Variants in ATP9B observed in about 807,000 individuals in gnomAD.
The protein encoded by ATP9B is probable phospholipid-transporting ATPase IIB.
Under a neutral mutation model 146.1 loss-of-function variants are expected in ATP9B, and 110 were observed. That is an observed-to-expected ratio of 0.75 (90% confidence interval 0.65 to 0.88). The LOEUF is 0.88. Ranked by LOEUF, ATP9B falls within the 40% of genes least tolerant of loss-of-function variation. The probability of loss-of-function intolerance (pLI) is 0.00; values close to 1 mark genes in which losing one functional copy is unlikely to be tolerated. For missense variants in ATP9B, 1,499 were observed against 1,496.4 expected, an observed-to-expected ratio of 1.00 and a Z score of -0.03; for synonymous variants, 604 against 569.7, an observed-to-expected ratio of 1.06 and a Z score of -0.86.
At chr18:79,099,803 A>G (rs1056700605) in intron 2 of ATP9B, among the ~76,000 whole-genome samples, 4 of 151,852 alleles carry the variant, frequency 2.6e-5, no homozygotes, top group East Asian at 2.0e-4. Context: ...TTGTATCTGA[A>G]TTTCATGAGG....
chr18:79,308,436 G>A (rs532917277), intron 15 of ATP9B, among the ~76,000 whole-genome samples: 5 of 152,146 alleles, frequency 3.3e-5, no homozygotes, highest in Admixed American at 2.6e-4. Context: ...TAGTCTGTTC[G>A]CACACATGGA....
chr18:79,307,015 T>C lies in ATP9B; in HGVS notation c.1554T>C (p.Thr518=). 6.2e-7 allele frequency: 1 copy of C among 1,614,142 alleles called. No homozygotes were observed. The highest frequency in any genetic ancestry group is 8.5e-7 in the Non-Finnish European group (1 of 1,179,960). Residue 518 remains threonine (T), a synonymous_variant, in exon 15 of 30, where the codon ACT becomes ACC. Coordinates refer to ENST00000426216, the MANE Select transcript of ATP9B (RefSeq NM_198531.5). ...QMQSQAGGNN[T]GSTPLRKAQS... is the part of the protein sequence containing the mutation. ...AGTCTCAAGCTGGTGGAAACAATACTGGTTCAACTCCACTAAGAAAAGCCC... is the reference window on the plus strand; with the variant it reads ...AGTCTCAAGCTGGTGGAAACAATACCGGTTCAACTCCACTAAGAAAAGCCC...
At chr18:79,348,256 AAAAAAAAAAAAAAC>A in intron 25 of ATP9B, 60 bp downstream of exon 25, 1 of 1,251,102 alleles carries the variant, frequency 8.0e-7, no homozygotes, top group Non-Finnish European at 1.1e-6. Flanking sequence ...TTGAAAAAAA[AAAAAAAAAAAAAAC>A]AAAAAACGTA....
intron 15 of ATP9B, among the ~76,000 whole-genome samples, chr18:79,325,176 C>G (rs756163956): frequency 1.3e-5 from 2 of 152,194 alleles, no homozygotes; most frequent in Non-Finnish European, 2.9e-5. Flanking sequence ...GCAGGACTAG[C>G]TGGTACTCTC....
chr18:79,149,261 G>A (rs923582028), intron 6 of ATP9B, among the ~76,000 whole-genome samples: 1 of 152,194 alleles, frequency 6.6e-6, no homozygotes, highest in Non-Finnish European at 1.5e-5. Flanking sequence ...CACCCTTGAT[G>A]TGAAGGCATA....
chr18:79,080,546 T>C (rs1438988315), intron 1 of ATP9B, among the ~76,000 whole-genome samples: 1 of 151,854 alleles, frequency 6.6e-6, no homozygotes, highest in Non-Finnish European at 1.5e-5. Context: ...TTTGTAAGTA[T>C]ACAATCATGT....
chr18:79,342,582 TATA>T (rs1236643559), intron 20 of ATP9B, among the ~76,000 whole-genome samples: 3 of 151,438 alleles, frequency 2.0e-5, no homozygotes, highest in East Asian at 1.9e-4. Context: ...AAACTTTAAG[TATA>T]ATAATAAAAA....
intron 15 of ATP9B, among the ~76,000 whole-genome samples, chr18:79,310,268 G>A (rs902363595): frequency 6.6e-6 from 1 of 152,236 alleles, no homozygotes; most frequent in Non-Finnish European, 1.5e-5. Context: ...ACAGTACGGG[G>A]CTTGCAGCAC....
intron 12 of ATP9B, among the ~76,000 whole-genome samples, chr18:79,271,701 G>A (rs1458167652): frequency 4.6e-5 from 7 of 152,136 alleles, no homozygotes; most frequent in East Asian, 1.9e-4. Flanking sequence ...ATAAACATAC[G>A]TGTGCATTTG....
intron 6 of ATP9B, among the ~76,000 whole-genome samples, chr18:79,153,895 G>A (rs926259775): frequency 3.3e-5 from 5 of 151,102 alleles, no homozygotes; most frequent in African/African-American, 7.3e-5. Context: ...TGATCCTCCC[G>A]TGTTGGCCTT....
chr18:79,288,178 C>T (rs998595574), intron 13 of ATP9B, among the ~76,000 whole-genome samples: 3 of 149,586 alleles, frequency 2.0e-5, no homozygotes, highest in African/African-American at 7.4e-5. Flanking sequence ...TCCTTGTTAA[C>T]TTTCTGTCTC....
At chr18:79,294,517 C>T (rs1397866577) in intron 13 of ATP9B, among the ~76,000 whole-genome samples, 1 of 152,192 alleles carries the variant, frequency 6.6e-6, no homozygotes, top group Non-Finnish European at 1.5e-5. Flanking sequence ...GAACTGAAAC[C>T]GTCAGTCCAG....
chr18:79,328,062 C>T (rs1432654147), intron 15 of ATP9B, among the ~76,000 whole-genome samples: 4 of 137,128 alleles, frequency 2.9e-5, no homozygotes, highest in East Asian at 2.2e-4. Flanking sequence ...CTCTGGTTAG[C>T]GTGCTCTCCG....
At chr18:79,126,443 C>A in intron 5 of ATP9B, 68 bp downstream of exon 5, 3 of 1,050,184 alleles carry the variant, frequency 2.9e-6, no homozygotes, top group Non-Finnish European at 4.2e-6. Context: ...GTTAACATAA[C>A]AAATGTATGA....
At chr18:79,145,997 G>T (rs2094580546) in intron 6 of ATP9B, 2 of 130,118 alleles carry the variant, frequency 1.5e-5, no homozygotes, top group Non-Finnish European at 1.5e-5. Context: ...GGAGCTGCCG[G>T]TGTGGAGAGT....
chr18:79,306,147 T>C (rs76130187), intron 14 of ATP9B, among the ~76,000 whole-genome samples: 4,912 of 152,324 alleles, frequency 0.032, 122 homozygotes, highest in Non-Finnish European at 0.042. Context: ...TCACAGTTCA[T>C]TGGATCTGTT....
rs78097036 is a variant in ATP9B, at chr18:79,214,847, A to G, written c.1107+809A>G. 4.5e-3 allele frequency among the ~76,000 whole-genome samples: 693 copies of G among 152,308 alleles called. 9 individuals are homozygous for G. The highest frequency in any genetic ancestry group is 0.016 in the African/African-American group (653 of 41,572). On this transcript the variant is annotated intron_variant, in intron 11 of 29. Transcript: ENST00000426216. ...GTCTTATTAACGCAGTGGAAATCAAATAATTCTTTGAAAAGATAGGCCAAG... is the reference window on the plus strand; with the variant it reads ...GTCTTATTAACGCAGTGGAAATCAAGTAATTCTTTGAAAAGATAGGCCAAG...
At chr18:79,256,355 G>GA (rs1239341137) in intron 12 of ATP9B, among the ~76,000 whole-genome samples, 1 of 147,612 alleles carries the variant, frequency 6.8e-6, no homozygotes, top group Non-Finnish European at 1.5e-5. Flanking sequence ...TCTGGTGAAT[G>GA]AAAATCTCTT....
At chr18:79,113,541 G>A (rs535267605) in intron 4 of ATP9B, among the ~76,000 whole-genome samples, 187 bp downstream of exon 4, 1 of 152,320 alleles carries the variant, frequency 6.6e-6, no homozygotes, top group African/African-American at 2.4e-5. Context: ...AAGTATGGTG[G>A]CAGCACCTGC....
Sources: gnomAD v4.1 joint callset for allele counts (sites outside exome capture counted in the v4.1 genomes callset) on GRCh38, gnomAD v4.1.1 for gene constraint, MANE v1.5 for transcripts, NCBI Gene and HGNC (gene_info 2026-07-23, HGNC 2026-07-21) for gene names.